Variants in MLLT3 observed in about 807,000 individuals in gnomAD.
MLLT3 encodes the protein MLLT3 super elongation complex subunit, also known as protein AF-9.
In MLLT3, 4 loss-of-function variants were observed where a neutral mutation model predicts 53.2. That is an observed-to-expected ratio of 0.08 (90% confidence interval 0.04 to 0.17). The LOEUF (loss-of-function observed/expected upper bound fraction) is 0.17. Ranked by LOEUF, MLLT3 falls within the 10% of genes least tolerant of loss-of-function variation. The pLI is 1.00. For synonymous variants in MLLT3, 283 were observed against 230.6 expected, an observed-to-expected ratio of 1.23 and a Z score of -2.06; for missense variants, 569 against 684.0, an observed-to-expected ratio of 0.83 and a Z score of 1.87.
intron 2 of MLLT3, among the ~76,000 whole-genome samples, chr9:20,591,367 G>T (rs1820125970): frequency 6.6e-6 from 1 of 152,150 alleles, no homozygotes; most frequent in Non-Finnish European, 1.5e-5. Flanking sequence ...AGATAGTGTG[G>T]AGGAAGCATT....
chr9:20,621,255 G>T lies in MLLT3; in HGVS notation c.13-421C>A, dbSNP rs958827193. Among the ~76,000 whole-genome samples the T allele has an allele frequency of 2.0e-5, 3 of 152,190 alleles. No homozygotes were observed. The highest frequency in any genetic ancestry group is 7.2e-5 in the African/African-American group (3 of 41,468). On this transcript the variant is annotated intron_variant, in intron 1 of 10. Transcript: ENST00000380338. The surrounding 1 kb of genome is among the most constrained non-coding windows in gnomAD (Gnocchi z 7.0). ...AGGGGGACCGAAGGGCTCCTGGCGA[G>T]CCCCCTCCCCGAAAGTACCGCGGCG...
chr9:20,531,281 G>A (rs1237081845), intron 2 of MLLT3, among the ~76,000 whole-genome samples: 1 of 151,742 alleles, frequency 6.6e-6, no homozygotes, highest in Non-Finnish European at 1.5e-5. Flanking sequence ...GATTACAGGC[G>A]TATGCCACCA....
At chr9:20,600,877 G>A (rs1341088024) in intron 2 of MLLT3, among the ~76,000 whole-genome samples, 1 of 152,084 alleles carries the variant, frequency 6.6e-6, no homozygotes, top group Non-Finnish European at 1.5e-5. Context: ...AATCCAATGG[G>A]AAAAAATTTA....
chr9:20,368,386 A>G (rs888641486), intron 5 of MLLT3, among the ~76,000 whole-genome samples: 3 of 152,210 alleles, frequency 2.0e-5, no homozygotes, highest in Non-Finnish European at 2.9e-5. Flanking sequence ...TCTGGAAACC[A>G]TCTGGGAGCC....
intron 5 of MLLT3, among the ~76,000 whole-genome samples, chr9:20,368,219 T>C (rs1292221874): frequency 1.3e-5 from 2 of 152,242 alleles, no homozygotes; most frequent in Non-Finnish European, 2.9e-5. Flanking sequence ...TGAGCCCCAA[T>C]GGCGAGTTAC....
Position 20,525,502 on chromosome 9 carries a change from A to G in MLLT3, c.194-68716T>C, listed in dbSNP as rs1818178308. Reference sequence around the variant, plus strand: ...CAGTAAGACTCTGACTTAAATAAAAAATAAAAAATAAAGACATCTTAGAGT... The same window carrying G: ...CAGTAAGACTCTGACTTAAATAAAAGATAAAAAATAAAGACATCTTAGAGT... On this transcript the variant is annotated intron_variant, in intron 2 of 10. Coordinates refer to ENST00000380338, the MANE Select transcript of MLLT3 (RefSeq NM_004529.4). Among the ~76,000 whole-genome samples the G allele has an allele frequency of 3.9e-5, 6 of 152,196 alleles. No individual in the cohort carries two copies. The South Asian group carries it at 1.2e-3, about 32-fold the overall frequency.
rs1008588983 is a variant in MLLT3 at position 20,354,959 on chromosome 9, A to G, written c.1432-80T>C. The G allele has an allele frequency of 3.3e-6, 3 of 914,772 alleles. No individual in the cohort carries two copies. The South Asian group carries it at 4.0e-5, about 12-fold the overall frequency. 56.7% of individuals were successfully genotyped at this position (914,772 alleles called of 1,614,324 possible). A position where few individuals can be genotyped will look rare whatever the true frequency, so the allele number is the denominator to read the frequency against. On this transcript the variant is annotated intron_variant, in intron 8 of 10. Coordinates refer to ENST00000380338, the MANE Select transcript of MLLT3 (RefSeq NM_004529.4). ...ACCAGCCACCTAAACAAAGGCATCC[A>G]CTGAATGAAATGTACAGTAACATTT...
At chr9:20,614,875 G>A (rs1479594549) in intron 2 of MLLT3, among the ~76,000 whole-genome samples, 1 of 152,134 alleles carries the variant, frequency 6.6e-6, no homozygotes, top group Non-Finnish European at 1.5e-5. Flanking sequence ...GAAGACCCAT[G>A]AGAAAGAAAC....
chr9:20,375,914 A>G (rs1303120368), intron 5 of MLLT3, among the ~76,000 whole-genome samples: 1 of 152,104 alleles, frequency 6.6e-6, no homozygotes, highest in East Asian at 1.9e-4. Flanking sequence ...GGACTTCAGT[A>G]AGTTTTATAA....
chr9:20,406,748 C>A (rs1461027068), intron 5 of MLLT3, among the ~76,000 whole-genome samples: 9 of 152,176 alleles, frequency 5.9e-5, no homozygotes, highest in Non-Finnish European at 1.3e-4. Flanking sequence ...TTCTTCCTAT[C>A]CCTGTACTCC....
At chr9:20,364,635 T>C (rs1032546430) in intron 6 of MLLT3, among the ~76,000 whole-genome samples, 2 of 152,180 alleles carry the variant, frequency 1.3e-5, no homozygotes, top group Non-Finnish European at 2.9e-5. Flanking sequence ...TGGAAGTCAG[T>C]GAAACAAGAC....
At chr9:20,417,439 TA>T (rs1042499594) in intron 4 of MLLT3, among the ~76,000 whole-genome samples, 15 of 150,314 alleles carry the variant, frequency 1.0e-4, no homozygotes, top group Non-Finnish European at 1.6e-4. Flanking sequence ...ACTGGCTTTT[TA>T]AATTTTTCAA....
In MLLT3 at chr9:20,448,656, T is replaced by C. The variant is rs1823765992; in HGVS notation, c.277-390A>G. On this transcript the variant is annotated intron_variant, in intron 3 of 10. Coordinates refer to ENST00000380338, the MANE Select transcript of MLLT3 (RefSeq NM_004529.4). The surrounding 1 kb of genome is among the most constrained non-coding windows in gnomAD (Gnocchi z 4.0). Reference sequence around the variant, plus strand: ...TTTCTTCAACAAGCCCTCTAACTCTTACTACTAGGCTTTTACTCATGGCCC... The same window carrying C: ...TTTCTTCAACAAGCCCTCTAACTCTCACTACTAGGCTTTTACTCATGGCCC... 6.6e-6 allele frequency among the ~76,000 whole-genome samples: 1 copy of C among 152,138 alleles called. No individual in the cohort carries two copies. Among genetic ancestry groups the C allele is most frequent in the Non-Finnish European group, 1.5e-5 (1 of 68,022 alleles).
intron 2 of MLLT3, among the ~76,000 whole-genome samples, chr9:20,565,304 C>T (rs1330949247): frequency 6.6e-6 from 1 of 152,006 alleles, no homozygotes; most frequent in African/African-American, 2.4e-5. Context: ...ACACTTAGAA[C>T]AGTTTGGGCT....
At chr9:20,619,874 G>A (rs2131217799) in intron 2 of MLLT3, among the ~76,000 whole-genome samples, 1 of 152,288 alleles carries the variant, frequency 6.6e-6, no homozygotes, top group Admixed American at 6.5e-5. Flanking sequence ...GGTGGGGAGG[G>A]ACTAAAGCAA....
intron 2 of MLLT3, among the ~76,000 whole-genome samples, chr9:20,559,483 T>C (rs1407563676): frequency 6.6e-6 from 1 of 152,220 alleles, no homozygotes; most frequent in Non-Finnish European, 1.5e-5. Flanking sequence ...AGAATAAAAC[T>C]TCTCTTTATT....
chr9:20,481,070 G>A (rs1258989216), intron 2 of MLLT3, among the ~76,000 whole-genome samples: 1 of 152,144 alleles, frequency 6.6e-6, no homozygotes, highest in African/African-American at 2.4e-5. Context: ...TAAAAACTAA[G>A]TATTATTGGT....
At chr9:20,559,441 A>C (rs984126556) in intron 2 of MLLT3, among the ~76,000 whole-genome samples, 1 of 152,206 alleles carries the variant, frequency 6.6e-6, no homozygotes, top group Non-Finnish European at 1.5e-5. Context: ...GGCATTTTAC[A>C]CCAGTGCAAA....
At chr9:20,453,519 C>T (rs1041493538) in intron 3 of MLLT3, among the ~76,000 whole-genome samples, 11 of 152,170 alleles carry the variant, frequency 7.2e-5, no homozygotes, top group Non-Finnish European at 2.9e-5. Flanking sequence ...GCTGAGACTG[C>T]GCCACTGTAC....
Sources: allele counts gnomAD v4.1 joint callset (sites outside exome capture counted in the v4.1 genomes callset), GRCh38; gene constraint gnomAD v4.1.1; non-coding constraint Gnocchi (gnomAD v3.1); transcripts MANE v1.5; gene names NCBI Gene and HGNC (gene_info 2026-07-23, HGNC 2026-07-21).